The following USP18 variants were observed in gnomAD, a reference collection of about 807,000 sequenced individuals.
USP18 encodes the protein ubiquitin specific peptidase 18, also known as ubl carboxyl-terminal hydrolase 18.
USP18 carries 11 observed loss-of-function variants against 48.7 expected under a neutral mutation model. The ratio of observed to expected loss-of-function variants is 0.23; its 90% CI spans 0.14 to 0.37. The LOEUF is 0.37. Ranked by LOEUF, USP18 falls within the 10% of genes least tolerant of loss-of-function variation. The pLI, the probability that USP18 is intolerant of heterozygous loss-of-function variation, is 1.00. For synonymous variants in USP18, 114 were observed against 163.2 expected (o/e 0.70, Z 2.30); for missense variants, 285 against 436.4 (o/e 0.65, Z 3.09).
intron 1 of USP18, 50 bp from the exon 2 acceptor site, chr22:18,157,508 A>G (rs1929193522): frequency 1.1e-6 from 1 of 943,678 alleles, no homozygotes; most frequent in Admixed American, 2.2e-5. Context: ...TTACATGAAT[A>G]CACATTCCTC....
intron 4 of USP18, among the ~76,000 whole-genome samples, chr22:18,166,110 A>G (rs911561356): frequency 3.3e-5 from 5 of 152,138 alleles, no homozygotes; most frequent in African/African-American, 4.8e-5. Flanking sequence ...TTTTCGCTGC[A>G]TAGGTACTGT....
At chr22:18,157,847 T>A in intron 2 of USP18, 27 bp downstream of exon 2, 1 of 1,612,960 alleles carries the variant, frequency 6.2e-7, no homozygotes, top group Non-Finnish European at 8.5e-7. Context: ...CGTTTTCCTC[T>A]TCTTGACTGC....
intron 7 of USP18, among the ~76,000 whole-genome samples, chr22:18,170,396 G>C (rs1325897280): frequency 1.3e-5 from 2 of 152,178 alleles, no homozygotes; most frequent in African/African-American, 2.4e-5. Context: ...CGTGGATGTG[G>C]CTTCTCATGT....
chr22:18,153,492 A>T (rs1474320414), intron 1 of USP18, among the ~76,000 whole-genome samples: 1 of 151,842 alleles, frequency 6.6e-6, no homozygotes, highest in Non-Finnish European at 1.5e-5. Context: ...TGGCACGATC[A>T]TAACTCACTG....
intron 4 of USP18, among the ~76,000 whole-genome samples, chr22:18,166,209 G>A (rs561200639): frequency 6.6e-6 from 1 of 152,196 alleles, no homozygotes; most frequent in African/African-American, 2.4e-5. Context: ...GCTCTAATCT[G>A]CTATTGACCT....
chr22:18,173,315 T>C, intron 9 of USP18, 34 bp downstream of exon 9: 2 of 1,574,322 alleles, frequency 1.3e-6, no homozygotes, highest in South Asian at 1.2e-5. Flanking sequence ...CCTCCTGCCC[T>C]GGATTGGCCA....
chr22:18,156,523 C>A (rs144038926), intron 1 of USP18, among the ~76,000 whole-genome samples: 40 of 152,032 alleles, frequency 2.6e-4, no homozygotes, highest in African/African-American at 8.9e-4. Flanking sequence ...ACAAACCAAC[C>A]AGGAGGGACT....
At chr22:18,152,614 C>T (rs561363800) in intron 1 of USP18, among the ~76,000 whole-genome samples, 3 of 152,106 alleles carry the variant, frequency 2.0e-5, no homozygotes, top group Admixed American at 2.0e-4. Context: ...TGAAAATCCC[C>T]TTCCTTGGAA....
intron 10 of USP18, among the ~76,000 whole-genome samples, chr22:18,175,099 G>A (rs898326195): frequency 6.6e-6 from 1 of 152,160 alleles, no homozygotes; most frequent in Admixed American, 6.5e-5. Flanking sequence ...ATTTTTAGTA[G>A]AGATGGGGTT....
chr22:18,166,062 G>A (rs1471930221), intron 4 of USP18, among the ~76,000 whole-genome samples: 1 of 151,906 alleles, frequency 6.6e-6, no homozygotes, highest in African/African-American at 2.4e-5. Flanking sequence ...TTGTATCAGA[G>A]TTAGTTGAGC....
intron 1 of USP18, among the ~76,000 whole-genome samples, chr22:18,151,490 A>G (rs1482053521): frequency 6.6e-6 from 1 of 152,212 alleles, no homozygotes; most frequent in Non-Finnish European, 1.5e-5. Flanking sequence ...GGAGAGTAAC[A>G]CAGGTGCACG....
chr22:18,167,842 G>C (rs1212019614), intron 5 of USP18, 48 bp from the exon 6 acceptor site: 1 of 1,585,492 alleles, frequency 6.3e-7, no homozygotes, highest in Non-Finnish European at 8.6e-7. Context: ...GGCCTGACCT[G>C]GCTTATGGTG....
chr22:18,174,233 C>T (rs5992191), intron 10 of USP18, among the ~76,000 whole-genome samples: 81,060 of 135,656 alleles, frequency 0.6, 25,526 homozygotes, highest in African/African-American at 0.82. Flanking sequence ...CTTTTCTTTT[C>T]TTTTTTTTTT....
intron 1 of USP18, among the ~76,000 whole-genome samples, chr22:18,152,835 A>T (rs1284916509): frequency 1.3e-5 from 2 of 152,032 alleles, no homozygotes; most frequent in East Asian, 3.9e-4. Context: ...TGCTCAAATG[A>T]TCTGCTCCAT....
Position 18,174,020 on chromosome 22 carries a change from A to G in USP18, c.1073+178A>G, listed in dbSNP as rs1249095479. Among the ~76,000 whole-genome samples the G allele has an allele frequency of 2.0e-5, 3 of 151,918 alleles. No individual in the cohort carries two copies. The South Asian group carries it at 6.2e-4, about 32-fold the overall frequency. ...TCACACGTCACACTCCAGGAATATT[A>G]AAGTACAGGTAGCTGCCAATCAGCC... On this transcript the variant is annotated intron_variant, in intron 10 of 10. Coordinates refer to ENST00000215794, the MANE Select transcript of USP18 (RefSeq NM_017414.4).
At chr22:18,161,761 G>A (rs200388461) in intron 3 of USP18, 29 bp from the exon 4 acceptor site, 16,519 of 1,549,210 alleles carry the variant, frequency 0.011, 117 homozygotes, top group Non-Finnish European at 0.012. Flanking sequence ...CTACATGTAA[G>A]GAGGTTTCTG....
chr22:18,172,046 G>T (rs1460443382), intron 8 of USP18, among the ~76,000 whole-genome samples: 52 of 152,184 alleles, frequency 3.4e-4, no homozygotes, highest in Admixed American at 3.4e-3. Flanking sequence ...CAAGAGGATT[G>T]CTGGAGTCCA....
At chr22:18,155,890 G>A (rs182487538) in intron 1 of USP18, among the ~76,000 whole-genome samples, 6,191 of 152,368 alleles carry the variant, frequency 0.041, 167 homozygotes, top group African/African-American at 0.074. Flanking sequence ...GCGCGGGACT[G>A]GCAGGCAGCT....
At chr22:18,171,940 C>T (rs1178647554) in intron 8 of USP18, among the ~76,000 whole-genome samples, 1 of 151,764 alleles carries the variant, frequency 6.6e-6, no homozygotes, top group Non-Finnish European at 1.5e-5. Context: ...GCAGATTCTG[C>T]CCAATGAAGT....
Sources: allele counts gnomAD v4.1 joint callset (sites outside exome capture counted in the v4.1 genomes callset), GRCh38; gene constraint gnomAD v4.1.1; transcripts MANE v1.5; gene names NCBI Gene and HGNC (gene_info 2026-07-23, HGNC 2026-07-21).